PRKN: variants seen among roughly 807,000 people sequenced by gnomAD.
PRKN encodes the protein E3 ubiquitin-protein ligase parkin.
PRKN carries 56 observed loss-of-function variants against 59.5 expected under a neutral mutation model. That is an observed-to-expected ratio of 0.94 (90% CI 0.76 to 1.18). The LOEUF is 1.18. Ranked by LOEUF, PRKN falls within the 50% of genes most tolerant of loss-of-function variation. The pLI is 0.00. For missense variants in PRKN, 657 were observed against 596.4 expected, an observed-to-expected ratio of 1.10 and a Z score of -1.06; for synonymous variants, 250 against 222.1, an observed-to-expected ratio of 1.13 and a Z score of -1.12.
At chr6:162,308,774 G>A (rs1270071972) in intron 2 of PRKN, among the ~76,000 whole-genome samples, 2 of 152,080 alleles carry the variant, frequency 1.3e-5, no homozygotes, top group East Asian at 1.9e-4. Context: ...TCTTCTAGTG[G>A]TCCTTTATCA....
chr6:162,463,270 T>C (rs550282055), intron 1 of PRKN, among the ~76,000 whole-genome samples: 1 of 152,238 alleles, frequency 6.6e-6, no homozygotes, highest in East Asian at 1.9e-4. Flanking sequence ...ACCACAATTA[T>C]ACTCAAGATT....
intron 4 of PRKN, among the ~76,000 whole-genome samples, chr6:162,064,896 T>C (rs1039195594): frequency 2.0e-5 from 3 of 152,236 alleles, no homozygotes; most frequent in African/African-American, 7.2e-5. Context: ...TTGTCCCATG[T>C]GATGCCCTTA....
At chr6:162,162,058 C>T (rs2128316951) in intron 4 of PRKN, among the ~76,000 whole-genome samples, 1 of 152,188 alleles carries the variant, frequency 6.6e-6, no homozygotes, top group South Asian at 2.1e-4. Context: ...GAAGAACCAA[C>T]ACAGTATAAA....
chr6:162,147,081 C>T (rs1782063202), intron 4 of PRKN, among the ~76,000 whole-genome samples: 1 of 150,056 alleles, frequency 6.7e-6, no homozygotes, highest in South Asian at 2.1e-4. Flanking sequence ...TAGCTCAGGC[C>T]TGTAATCCCA....
At position 162,355,388 on chromosome 6, in the gene PRKN, A is replaced by AATCTATCTATCTATCT. The variant is rs534864850; in HGVS notation, c.171+87906_171+87921dup. Among the ~76,000 whole-genome samples the AATCTATCTATCTATCT allele has an allele frequency of 4.2e-3, 639 of 151,462 alleles. 4 individuals are homozygous for AATCTATCTATCTATCT. Among genetic ancestry groups the AATCTATCTATCTATCT allele is most frequent in the African/African-American group, 0.015 (619 of 41,148 alleles). ...GAACTTAAATTTTAACACCATCTGT[A>AATCTATCTATCTATCT]ATCTATCTATCTATCTATCTATATA... On this transcript the variant is annotated intron_variant, in intron 2 of 11. Transcript: ENST00000366898.
At chr6:161,553,282 T>C (rs1562522434) in intron 8 of PRKN, among the ~76,000 whole-genome samples, 1 of 152,226 alleles carries the variant, frequency 6.6e-6, no homozygotes, top group Non-Finnish European at 1.5e-5. Flanking sequence ...GGATAATTTT[T>C]TTCCTATAAA....
intron 6 of PRKN, among the ~76,000 whole-genome samples, chr6:161,878,219 G>A (rs750832658): frequency 6.6e-6 from 1 of 152,120 alleles, no homozygotes; most frequent in South Asian, 2.1e-4. Context: ...GTCAAAAGTA[G>A]AAAGAAATAA....
In PRKN at chr6:162,541,928, G is replaced by A. The variant is rs73591875; in HGVS notation, c.8-98455C>T. Among the ~76,000 whole-genome samples the A allele has an allele frequency of 8.7e-3, 1,329 of 152,220 alleles. 19 individuals carry two copies. The highest frequency in any genetic ancestry group is 0.029 in the African/African-American group (1,220 of 41,498). Reference sequence around the variant, plus strand: ...ATGGTTGAATTCTATGAGTATGGGCGTCCTATGACTATCCTGGTCATTGAT... The same window carrying A: ...ATGGTTGAATTCTATGAGTATGGGCATCCTATGACTATCCTGGTCATTGAT... On this transcript the variant is annotated intron_variant, in intron 1 of 11. Coordinates refer to ENST00000366898, the MANE Select transcript of PRKN (RefSeq NM_004562.3).
chr6:162,046,570 G>A (rs1784258213), intron 5 of PRKN, among the ~76,000 whole-genome samples: 1 of 152,216 alleles, frequency 6.6e-6, no homozygotes, highest in Non-Finnish European at 1.5e-5. Flanking sequence ...CTCTGCTACA[G>A]CCGCACTGGT....
At position 162,148,041 on chromosome 6, in the gene PRKN, A is replaced by C. The variant is rs930879401; in HGVS notation, c.534+53090T>G. ...AACCAGCATGGAGGACCCTATAATG[A>C]CCTGTCTCAGTCAGCTACATCAGGG... On this transcript the variant is annotated intron_variant, in intron 4 of 11. Coordinates refer to ENST00000366898, the MANE Select transcript of PRKN (RefSeq NM_004562.3). Among the ~76,000 whole-genome samples the C allele has an allele frequency of 2.0e-5, 3 of 152,172 alleles. No individual in the cohort carries two copies. In the East Asian group the frequency reaches 5.8e-4, roughly 29 times the overall value.
intron 3 of PRKN, among the ~76,000 whole-genome samples, chr6:162,213,414 A>T (rs1269422336): frequency 2.0e-5 from 3 of 151,478 alleles, no homozygotes; most frequent in African/African-American, 7.4e-5. Context: ...ACAACTGGGA[A>T]GGAGCCTAGC....
At chr6:162,323,780 G>A (rs1157425718) in intron 2 of PRKN, among the ~76,000 whole-genome samples, 1 of 152,020 alleles carries the variant, frequency 6.6e-6, no homozygotes, top group Non-Finnish European at 1.5e-5. Flanking sequence ...GGGAATAACT[G>A]AAACTCCCAT....
At chr6:161,433,857 A>G (rs1284779944) in intron 9 of PRKN, among the ~76,000 whole-genome samples, 2 of 152,050 alleles carry the variant, frequency 1.3e-5, no homozygotes, top group African/African-American at 4.8e-5. Flanking sequence ...TCTCTGCTAA[A>G]AATACAAAAA....
chr6:162,595,535 C>T (rs1016902583), intron 1 of PRKN, among the ~76,000 whole-genome samples: 1 of 152,076 alleles, frequency 6.6e-6, no homozygotes, highest in Non-Finnish European at 1.5e-5. Context: ...GGATTACAGG[C>T]GTGAGCCACT....
chr6:162,310,295 C>T (rs1782436737), intron 2 of PRKN, among the ~76,000 whole-genome samples: 1 of 152,100 alleles, frequency 6.6e-6, no homozygotes, highest in Non-Finnish European at 1.5e-5. Flanking sequence ...TCTGTAATAC[C>T]ATAATAGCTT....
intron 10 of PRKN, among the ~76,000 whole-genome samples, chr6:161,367,696 C>A (rs1192762137): frequency 1.3e-5 from 2 of 152,074 alleles, no homozygotes; most frequent in Non-Finnish European, 2.9e-5. Flanking sequence ...GTAGGCATGG[C>A]GCTGGGACAG....
intron 2 of PRKN, among the ~76,000 whole-genome samples, chr6:162,350,287 T>C (rs1419880528): frequency 2.0e-5 from 3 of 152,304 alleles, no homozygotes; most frequent in East Asian, 1.9e-4. Flanking sequence ...AATTCATCTA[T>C]AGATTCATTG....
intron 4 of PRKN, among the ~76,000 whole-genome samples, chr6:162,119,221 T>C (rs548959321): frequency 5.0e-4 from 76 of 152,304 alleles, no homozygotes; most frequent in Admixed American, 9.8e-4. Flanking sequence ...CAGACTTTGT[T>C]CCAAAGCACT....
chr6:161,486,407 T>A (rs963300570), intron 9 of PRKN, among the ~76,000 whole-genome samples: 2 of 152,204 alleles, frequency 1.3e-5, no homozygotes, highest in African/African-American at 4.8e-5. Flanking sequence ...AAAAATGAAA[T>A]TTGAAGTCAG....
Sources: gnomAD v4.1 joint callset for allele counts (sites outside exome capture counted in the v4.1 genomes callset) on GRCh38, gnomAD v4.1.1 for gene constraint, MANE v1.5 for transcripts, NCBI Gene and HGNC (gene_info 2026-07-23, HGNC 2026-07-21) for gene names.